NBEA: variants seen among roughly 807,000 people sequenced by gnomAD.
NBEA encodes lysosomal-trafficking regulator 2.
NBEA carries 44 observed loss-of-function variants against 343.4 expected under a neutral mutation model. The ratio of observed to expected loss-of-function variants is 0.13; its 90% CI spans 0.10 to 0.16. The LOEUF (loss-of-function observed/expected upper bound fraction) is 0.16, where lower values mean the gene tolerates loss of function less well. Ranked by LOEUF, NBEA falls within the 10% of genes least tolerant of loss-of-function variation. The probability of loss-of-function intolerance (pLI) is 1.00; values close to 1 mark genes in which losing one functional copy is unlikely to be tolerated. For missense variants in NBEA, 2,555 were observed against 3,631.3 expected (o/e 0.70, Z 7.62); for synonymous variants, 1,175 against 1,238.7 (o/e 0.95, Z 1.08).
chr13:35,668,080 A>G (rs1480109406), intron 57 of NBEA, among the ~76,000 whole-genome samples: 4 of 152,208 alleles, frequency 2.6e-5, no homozygotes, highest in Non-Finnish European at 5.9e-5. Flanking sequence ...TTAATGCTCA[A>G]ATTCTTCCTG....
Position 35,472,439 on chromosome 13 carries a change from C to T in NBEA, c.6488C>T (p.Pro2163Leu), listed in dbSNP as rs1174182615. Reference sequence around the variant, plus strand: ...AGCACCCCTGCCCAGCTCATCGCTCCCGTGGTGGTGGCCAAGGGGACTCTC... The same window carrying T: ...AGCACCCCTGCCCAGCTCATCGCTCTCGTGGTGGTGGCCAAGGGGACTCTC... ...VLSTPAQLIAPVVVAKGTLSI... is the reference protein window; with the variant it reads ...VLSTPAQLIALVVVAKGTLSI... The change falls in exon 41 of 59, where the codon CCC (proline) becomes CTC (leucine). Residue 2163 changes from proline to leucine, a missense_variant. By Grantham distance (98) the Pro-to-Leu change is moderately conservative. Coordinates refer to ENST00000379939, the MANE Select transcript of NBEA (RefSeq NM_001385012.1). 2 of 1,613,994 alleles carry T rather than the reference C, an allele frequency of 1.2e-6. No individual in the cohort carries two copies. The highest frequency in any genetic ancestry group is 3.3e-5 in the Admixed American group (2 of 60,028).
At chr13:35,462,349 A>T (rs1157010331) in intron 40 of NBEA, among the ~76,000 whole-genome samples, 1 of 152,226 alleles carries the variant, frequency 6.6e-6, no homozygotes, top group Non-Finnish European at 1.5e-5. Flanking sequence ...GAAAGCCTTT[A>T]TTAGAATGGG....
At chr13:34,984,479 A>G (rs1027162680) in intron 1 of NBEA, among the ~76,000 whole-genome samples, 3 of 152,182 alleles carry the variant, frequency 2.0e-5, no homozygotes, top group African/African-American at 7.2e-5. Flanking sequence ...ACTTAGTGTG[A>G]TGCCTCCAGC....
intron 41 of NBEA, among the ~76,000 whole-genome samples, chr13:35,534,085 T>C (rs1380492603): frequency 6.6e-6 from 1 of 152,208 alleles, no homozygotes; most frequent in Non-Finnish European, 1.5e-5. Flanking sequence ...TGGAAGTTCA[T>C]GTTTATGTGA....
chr13:35,252,298 G>A (rs992680647), intron 34 of NBEA, among the ~76,000 whole-genome samples: 7 of 152,156 alleles, frequency 4.6e-5, no homozygotes, highest in Non-Finnish European at 7.4e-5. Flanking sequence ...CCCGTGAACA[G>A]CATGGGAGAA....
At chr13:35,661,818 T>C (rs2085104005) in intron 55 of NBEA, among the ~76,000 whole-genome samples, 2 of 152,226 alleles carry the variant, frequency 1.3e-5, no homozygotes, top group South Asian at 4.1e-4. Flanking sequence ...AGTATAAACA[T>C]GAATAAAAAT....
intron 40 of NBEA, among the ~76,000 whole-genome samples, chr13:35,457,213 G>T (rs2046628607): frequency 6.6e-6 from 1 of 151,808 alleles, no homozygotes; most frequent in African/African-American, 2.4e-5. Flanking sequence ...ATATTCACTG[G>T]CCAGTCATAT....
chr13:35,164,331 C>T (rs1216334778), intron 23 of NBEA, 25 bp from the exon 24 acceptor site: 1 of 1,548,034 alleles, frequency 6.5e-7, no homozygotes, highest in Non-Finnish European at 8.7e-7. Flanking sequence ...CCAAAACATA[C>T]TCATTTCTGT....
chr13:35,455,766 C>A (rs567010901), intron 40 of NBEA, among the ~76,000 whole-genome samples: 1 of 152,000 alleles, frequency 6.6e-6, no homozygotes, highest in South Asian at 2.1e-4. Context: ...ATTATTACCA[C>A]CAATTTTGGA....
At chr13:35,452,346 A>C in intron 40 of NBEA, 111 bp downstream of exon 40, 1 of 744,794 alleles carries the variant, frequency 1.3e-6, no homozygotes, top group Non-Finnish European at 2.2e-6. Context: ...AACAATGCTC[A>C]ATCACATGAA....
intron 1 of NBEA, among the ~76,000 whole-genome samples, chr13:34,961,154 G>T (rs2059648703): frequency 6.6e-6 from 1 of 152,010 alleles, no homozygotes; most frequent in Admixed American, 6.6e-5. Context: ...TATGTAAAAA[G>T]ATTAGAGCGG....
intron 38 of NBEA, among the ~76,000 whole-genome samples, chr13:35,363,379 T>C (rs1259735983): frequency 4.0e-5 from 6 of 151,886 alleles, no homozygotes; most frequent in Non-Finnish European, 7.4e-5. Context: ...GGCATGGCTA[T>C]ATGGATTCCT....
intron 35 of NBEA, among the ~76,000 whole-genome samples, chr13:35,301,837 G>A (rs925691604): frequency 2.6e-5 from 4 of 151,984 alleles, no homozygotes; most frequent in Non-Finnish European, 5.9e-5. Context: ...CTGCATCCTC[G>A]CCAGCATCTG....
At chr13:35,564,696 A>T (rs1304747945) in intron 44 of NBEA, among the ~76,000 whole-genome samples, 1 of 152,204 alleles carries the variant, frequency 6.6e-6, no homozygotes, top group African/African-American at 2.4e-5. Context: ...AGACTTAAAC[A>T]CAAGCAGGTT....
rs112580058 is a variant in NBEA at position 35,016,620 on chromosome 13, A to T, written c.295-24313A>T. Among the ~76,000 whole-genome samples, 836 of 136,132 alleles carry T rather than the reference A, an allele frequency of 6.1e-3. 5 individuals are homozygous for T. Among genetic ancestry groups the T allele is most frequent in the African/African-American group, 0.021 (800 of 38,960 alleles). 89.3% of individuals were successfully genotyped at this position (136,132 alleles called of 152,430 possible). A position where few individuals can be genotyped will look rare whatever the true frequency, so the allele number is the denominator to read the frequency against. ...CACACACACACACACACACACACACACATTTATTTATTTTAATTTGAGACA... is the reference window on the plus strand; with the variant it reads ...CACACACACACACACACACACACACTCATTTATTTATTTTAATTTGAGACA... On this transcript the variant is annotated intron_variant, in intron 1 of 58. Transcript: ENST00000379939.
intron 6 of NBEA, 41 bp from the exon 7 acceptor site, chr13:35,055,969 C>G (rs1383150338): frequency 6.7e-7 from 1 of 1,486,562 alleles, no homozygotes; most frequent in Non-Finnish European, 9.0e-7. Context: ...ACTGTAACAA[C>G]CAAACATTAC....
chr13:35,495,100 C>T (rs1376344593), intron 41 of NBEA, among the ~76,000 whole-genome samples: 1 of 151,786 alleles, frequency 6.6e-6, no homozygotes, highest in Non-Finnish European at 1.5e-5. Flanking sequence ...CTACATACAA[C>T]CAGATGCTGT....
intron 1 of NBEA, among the ~76,000 whole-genome samples, chr13:35,010,576 CA>C (rs1194549300): frequency 0.011 from 732 of 64,714 alleles, 1 homozygote; most frequent in African/African-American, 0.028. Context: ...GACCCTGTCT[CA>C]AAAAAAAAAA....
intron 38 of NBEA, among the ~76,000 whole-genome samples, chr13:35,371,537 T>C (rs1262774063): frequency 6.6e-6 from 1 of 152,148 alleles, no homozygotes; most frequent in Non-Finnish European, 1.5e-5. Context: ...ATTTGTATTA[T>C]CTGAATTCTC....
Sources: gnomAD v4.1 joint callset for allele counts (sites outside exome capture counted in the v4.1 genomes callset) on GRCh38, gnomAD v4.1.1 for gene constraint, MANE v1.5 for transcripts, NCBI Gene and HGNC (gene_info 2026-07-23, HGNC 2026-07-21) for gene names.